The following SPAG6 variants were observed in gnomAD, a reference collection of about 807,000 sequenced individuals.
The protein encoded by SPAG6 is sperm associated antigen 6, also known as sperm-associated antigen 6.
SPAG6 carries 49 observed loss-of-function variants against 58.5 expected under a neutral mutation model. The observed-to-expected ratio is 0.84, with a 90% CI of 0.67 to 1.06. The LOEUF (loss-of-function observed/expected upper bound fraction) is 1.06, where lower values mean the gene tolerates loss of function less well. SPAG6 is among the 50% of genes least tolerant of loss of function. The pLI is 0.00. For synonymous variants in SPAG6, 233 were observed against 225.6 expected (o/e 1.03, Z -0.29); for missense variants, 560 against 611.3 (o/e 0.92, Z 0.89).
intron 2 of SPAG6, chr10:22,361,444 C>G (rs566627389): frequency 6.6e-6 from 1 of 152,344 alleles, no homozygotes; most frequent in Non-Finnish European, 1.5e-5. Context: ...GCCTGTAATC[C>G]CAGCACTTTG....
intron 9 of SPAG6, among the ~76,000 whole-genome samples, chr10:22,402,759 G>A (rs1242019247): frequency 6.6e-6 from 1 of 152,130 alleles, no homozygotes; most frequent in African/African-American, 2.4e-5. Context: ...TTACTGCAAG[G>A]GAAATTGATC....
In SPAG6 at chr10:22,368,622, C is replaced by T; in HGVS notation, c.416C>T (p.Pro139Leu). The change falls in exon 4 of 11, where the codon CCT becomes CTT. Residue 139 changes from proline to leucine, a missense_variant. Physicochemically the swap from Pro to Leu is moderately conservative, Grantham distance 98 (BLOSUM62 -3). Coordinates refer to ENST00000376624, the MANE Select transcript of SPAG6 (RefSeq NM_012443.4). ...TLVICLEDFD[P>L]GVKEAAAWAL... is the part of the protein sequence containing the mutation. The stretch of plus-strand genomic sequence containing the variant: ...GTCATATGCTTGGAAGATTTTGACC[C>T]TGGAGTCAAGGAGGCTGCAGCCTGG... 6.2e-7 allele frequency: 1 copy of T among 1,613,868 alleles called. No individual in the cohort carries two copies. Among genetic ancestry groups the T allele is most frequent in the Non-Finnish European group, 8.5e-7 (1 of 1,179,930 alleles).
chr10:22,396,683 AT>A (rs1268796984), intron 8 of SPAG6, among the ~76,000 whole-genome samples: 1 of 149,712 alleles, frequency 6.7e-6, no homozygotes, highest in Admixed American at 6.6e-5. Context: ...GTTAATTGCT[AT>A]TTTTATGTGT....
chr10:22,410,349 T>C (rs1445447206), intron 9 of SPAG6, among the ~76,000 whole-genome samples: 2 of 152,198 alleles, frequency 1.3e-5, no homozygotes, highest in Non-Finnish European at 2.9e-5. Context: ...AAAATTAAAA[T>C]TAAAATATTA....
chr10:22,351,925 C>A (rs903255218), intron 2 of SPAG6, among the ~76,000 whole-genome samples: 7 of 152,158 alleles, frequency 4.6e-5, no homozygotes, highest in Non-Finnish European at 8.8e-5. Flanking sequence ...GTAATCCCAG[C>A]ACTTTGGGAG....
intron 4 of SPAG6, among the ~76,000 whole-genome samples, chr10:22,380,364 C>T (rs371979672): frequency 2.0e-5 from 3 of 151,984 alleles, no homozygotes; most frequent in Non-Finnish European, 4.4e-5. Context: ...AGTGAAGCAA[C>T]GTGATCTTGG....
At chr10:22,357,524 CTAA>C (rs913393036) in intron 2 of SPAG6, among the ~76,000 whole-genome samples, 13 of 151,980 alleles carry the variant, frequency 8.6e-5, no homozygotes, top group Middle Eastern at 3.4e-3. Context: ...GAGTCATTCA[CTAA>C]TAATAAAATT....
chr10:22,353,956 A>T lies in SPAG6; in HGVS notation c.121+8138A>T, dbSNP rs991569282. Among the ~76,000 whole-genome samples the T allele has an allele frequency of 2.8e-4, 43 of 152,218 alleles. 1 individual carries two copies. Among genetic ancestry groups the T allele is most frequent in the African/African-American group, 9.9e-4 (41 of 41,450 alleles). On this transcript the variant is annotated intron_variant, in intron 2 of 10. Transcript: ENST00000376624. ...AGAGAAAAGGTGGTACTCATGGAAAAGGCCAATGTTTAGTTATGACTGGAG... is the reference window on the plus strand; with the variant it reads ...AGAGAAAAGGTGGTACTCATGGAAATGGCCAATGTTTAGTTATGACTGGAG...
intron 10 of SPAG6, among the ~76,000 whole-genome samples, chr10:22,413,687 T>TTATA (rs1564384057): frequency 2.3e-5 from 3 of 130,134 alleles, no homozygotes; most frequent in African/African-American, 1.3e-4. Context: ...TTCAAATTTC[T>TTATA]GATATATATA....
At chr10:22,394,979 G>A (rs1834263131) in intron 8 of SPAG6, among the ~76,000 whole-genome samples, 1 of 152,046 alleles carries the variant, frequency 6.6e-6, no homozygotes, top group Non-Finnish European at 1.5e-5. Flanking sequence ...CAAAGCACTG[G>A]GATAAGAGGT....
chr10:22,409,725 G>C (rs1301272541), intron 9 of SPAG6, among the ~76,000 whole-genome samples: 1 of 152,160 alleles, frequency 6.6e-6, no homozygotes, highest in African/African-American at 2.4e-5. Context: ...AAGGAAGAGA[G>C]CAGGACTTCC....
intron 7 of SPAG6, among the ~76,000 whole-genome samples, chr10:22,389,539 G>A (rs1482421279): frequency 6.6e-6 from 1 of 152,180 alleles, no homozygotes; most frequent in East Asian, 1.9e-4. Flanking sequence ...ACTATTTTGA[G>A]CATTAGTATT....
intron 3 of SPAG6, 78 bp from the exon 4 acceptor site, chr10:22,368,417 T>G: frequency 9.5e-7 from 1 of 1,049,126 alleles, no homozygotes; most frequent in East Asian, 2.4e-5. Context: ...GTTATTTTTA[T>G]GTAGTTTTGG....
chr10:22,409,179 T>C (rs896235989), intron 9 of SPAG6, among the ~76,000 whole-genome samples: 1 of 152,098 alleles, frequency 6.6e-6, no homozygotes, highest in Non-Finnish European at 1.5e-5. Flanking sequence ...AATCTAAAGA[T>C]ACCAAAGCAC....
At chr10:22,406,061 A>G (rs1834546245) in intron 9 of SPAG6, among the ~76,000 whole-genome samples, 1 of 151,680 alleles carries the variant, frequency 6.6e-6, no homozygotes, top group African/African-American at 2.4e-5. Flanking sequence ...GCGGTCTATC[A>G]ATTTTGTGGA....
intron 10 of SPAG6, among the ~76,000 whole-genome samples, chr10:22,411,838 A>ATTTTTTTTTTTT (rs1283503992): frequency 7.5e-6 from 1 of 132,712 alleles, no homozygotes; most frequent in African/African-American, 3.4e-5. Context: ...AAACAACTGA[A>ATTTTTTTTTTTT]TCTTTTTTTT....
intron 2 of SPAG6, among the ~76,000 whole-genome samples, chr10:22,356,532 C>G (rs1588635867): frequency 6.6e-6 from 1 of 152,200 alleles, no homozygotes; most frequent in East Asian, 1.9e-4. Flanking sequence ...TGATCTGACC[C>G]CAAGTAAACT....
At chr10:22,414,550 A>G (rs1041012031) in intron 10 of SPAG6, among the ~76,000 whole-genome samples, 1 of 152,174 alleles carries the variant, frequency 6.6e-6, no homozygotes, top group Non-Finnish European at 1.5e-5. Flanking sequence ...CCTATTTCAT[A>G]GTTAGAATTA....
chr10:22,380,748 T>A (rs1833933754), intron 4 of SPAG6, among the ~76,000 whole-genome samples: 2 of 152,234 alleles, frequency 1.3e-5, no homozygotes, highest in African/African-American at 4.8e-5. Context: ...GATTAATTTA[T>A]AACTTTGTTG....
Sources: allele counts gnomAD v4.1 joint callset (sites outside exome capture counted in the v4.1 genomes callset), GRCh38; gene constraint gnomAD v4.1.1; transcripts MANE v1.5; gene names NCBI Gene and HGNC (gene_info 2026-07-23, HGNC 2026-07-21).